The following APP variants were observed in gnomAD, a reference collection of about 807,000 sequenced individuals.
APP encodes amyloid-beta precursor protein.
Under a neutral mutation model 101.4 loss-of-function variants are expected in APP, and 31 were observed. That is an observed-to-expected ratio of 0.31 (90% CI 0.23 to 0.41). APP has a LOEUF of 0.41. Ranked by LOEUF, APP falls within the 10% of genes least tolerant of loss-of-function variation. The pLI is 1.00. For missense variants in APP, 839 were observed against 1,003.7 expected (o/e 0.84, Z 2.22); for synonymous variants, 366 against 364.4 (o/e 1.00, Z -0.05).
chr21:26,129,605 A>C (rs2062752459), intron 1 of APP, among the ~76,000 whole-genome samples: 1 of 152,232 alleles, frequency 6.6e-6, no homozygotes, highest in Non-Finnish European at 1.5e-5. Flanking sequence ...GCAGATGCAC[A>C]AATTTTATCA....
upstream of APP, chr21:26,170,943 T>A: frequency 3.9e-6 from 1 of 254,014 alleles, no homozygotes; most frequent in Non-Finnish European, 7.4e-6. Context: ...TGGCGCCGCC[T>A]GCACCCCACG....
intron 3 of APP, among the ~76,000 whole-genome samples, chr21:26,073,143 T>C (rs1443988514): frequency 1.3e-5 from 2 of 152,216 alleles, no homozygotes; most frequent in Admixed American, 1.3e-4. Context: ...CAAGTATGTG[T>C]TGTGTGAGAA....
chr21:26,169,763 G>T (rs926950148), intron 1 of APP, among the ~76,000 whole-genome samples: 1 of 152,184 alleles, frequency 6.6e-6, no homozygotes, highest in Admixed American at 6.5e-5. Context: ...TTTTGTTCCC[G>T]CGGACCTTCT....
chr21:25,973,164 C>CAAAA (rs34239681), intron 11 of APP, among the ~76,000 whole-genome samples: 35 of 146,716 alleles, frequency 2.4e-4, no homozygotes, highest in South Asian at 1.7e-3. Context: ...CTAATTAATC[C>CAAAA]AAAAAAAAAA....
intron 2 of APP, among the ~76,000 whole-genome samples, chr21:26,110,131 C>T (rs950010983): frequency 6.9e-4 from 105 of 152,296 alleles, no homozygotes; most frequent in Non-Finnish European, 9.6e-4. Flanking sequence ...TAAATCAGCA[C>T]ACAGAATGTT....
chr21:26,096,514 C>T (rs1377457048), intron 2 of APP, among the ~76,000 whole-genome samples: 3 of 152,212 alleles, frequency 2.0e-5, no homozygotes, highest in African/African-American at 7.2e-5. Context: ...CCAAACTGTA[C>T]GTAGCATTCT....
intron 1 of APP, among the ~76,000 whole-genome samples, chr21:26,143,165 A>T (rs941426431): frequency 6.6e-6 from 1 of 152,212 alleles, no homozygotes; most frequent in African/African-American, 2.4e-5. Flanking sequence ...TTAAACAAAA[A>T]AATGTAATAA....
At chr21:26,054,047 T>C (rs745543377) in intron 3 of APP, among the ~76,000 whole-genome samples, 5 of 152,240 alleles carry the variant, frequency 3.3e-5, no homozygotes, top group African/African-American at 7.2e-5. Context: ...CCACATTATA[T>C]GTAAGCTGTA....
chr21:26,066,967 G>A (rs185672602), intron 3 of APP, among the ~76,000 whole-genome samples: 4 of 152,310 alleles, frequency 2.6e-5, no homozygotes, highest in African/African-American at 9.6e-5. Flanking sequence ...TTTGATAAGA[G>A]ATCATCTCTG....
chr21:26,001,349 A>G (rs977846951), intron 6 of APP, among the ~76,000 whole-genome samples: 8 of 152,208 alleles, frequency 5.3e-5, no homozygotes, highest in Admixed American at 4.6e-4. Flanking sequence ...AAGTGAAACA[A>G]CAGCCCAATT....
chr21:26,031,164 G>T (rs1233293661), intron 5 of APP, among the ~76,000 whole-genome samples: 1 of 152,168 alleles, frequency 6.6e-6, no homozygotes, highest in African/African-American at 2.4e-5. Context: ...AATGCAGCAA[G>T]AACTATGTGC....
intron 3 of APP, chr21:26,068,358 A>G (rs2046540940): frequency 7.4e-6 from 1 of 135,378 alleles, no homozygotes; most frequent in Admixed American, 7.7e-5. Context: ...ACTCTGCCAC[A>G]TTCTCTTTTT....
At chr21:26,153,141 CGAG>C (rs1282110087) in intron 1 of APP, among the ~76,000 whole-genome samples, 3 of 152,016 alleles carry the variant, frequency 2.0e-5, no homozygotes, top group African/African-American at 7.2e-5. Context: ...TAGAGACTCA[CGAG>C]GAGGAGGGTA....
chr21:25,915,726 A>G (rs1159328451), intron 13 of APP, among the ~76,000 whole-genome samples: 1 of 152,250 alleles, frequency 6.6e-6, no homozygotes, highest in Non-Finnish European at 1.5e-5. Flanking sequence ...AAGGCAGAGG[A>G]GCAAAAGATC....
chr21:25,914,589 T>C (rs2039251142), intron 13 of APP, among the ~76,000 whole-genome samples: 1 of 145,320 alleles, frequency 6.9e-6, no homozygotes, highest in Admixed American at 6.9e-5. Flanking sequence ...AGTCTTGCTC[T>C]GTCGCCCAGG....
chr21:26,141,993 T>C (rs1223990246), intron 1 of APP, among the ~76,000 whole-genome samples: 3 of 152,178 alleles, frequency 2.0e-5, no homozygotes, highest in Non-Finnish European at 4.4e-5. Context: ...GCCAGGGCCA[T>C]GTGTGGTGCC....
intron 3 of APP, among the ~76,000 whole-genome samples, chr21:26,086,806 A>C (rs1316344482): frequency 2.0e-5 from 3 of 152,204 alleles, no homozygotes; most frequent in Non-Finnish European, 4.4e-5. Context: ...ATTGTCTCTA[A>C]TTCATAGTGA....
intron 3 of APP, among the ~76,000 whole-genome samples, chr21:26,086,588 CAT>C (rs952377608): frequency 6.7e-6 from 1 of 149,728 alleles, no homozygotes; most frequent in African/African-American, 2.5e-5. Context: ...TTGTCTAAAA[CAT>C]ATATTTGGAT....
At chr21:26,102,308 C>G (rs1033592671) in intron 2 of APP, among the ~76,000 whole-genome samples, 1 of 151,940 alleles carries the variant, frequency 6.6e-6, no homozygotes, top group Non-Finnish European at 1.5e-5. Context: ...CCGGGATGGT[C>G]TCGATCTCCT....
Sources: allele counts gnomAD v4.1 joint callset (sites outside exome capture counted in the v4.1 genomes callset), GRCh38; gene constraint gnomAD v4.1.1; transcripts MANE v1.5; gene names NCBI Gene and HGNC (gene_info 2026-07-23, HGNC 2026-07-21).